The following CLIC4 variants were observed in gnomAD, a reference collection of about 807,000 sequenced individuals.
CLIC4 encodes CLIC family member 4.
CLIC4 carries 13 observed loss-of-function variants against 24.6 expected under a neutral mutation model. The observed-to-expected ratio is 0.53, with a 90% CI of 0.34 to 0.84. CLIC4 has a LOEUF of 0.84. Ranked by LOEUF, CLIC4 falls within the 40% of genes least tolerant of loss-of-function variation. The pLI is 0.01. For missense variants in CLIC4, 227 were observed against 301.7 expected (o/e 0.75, Z 1.83); for synonymous variants, 104 against 111.3 (o/e 0.93, Z 0.41).
intron 1 of CLIC4, among the ~76,000 whole-genome samples, chr1:24,750,436 C>T (rs938518798): frequency 3.9e-4 from 53 of 137,506 alleles, no homozygotes; most frequent in Non-Finnish European, 7.3e-4. Context: ...TTCTTTCTTT[C>T]TTTTTTTTTT....
intron 2 of CLIC4, among the ~76,000 whole-genome samples, chr1:24,802,213 C>T (rs1388921351): frequency 6.6e-6 from 1 of 152,150 alleles, no homozygotes; most frequent in Non-Finnish European, 1.5e-5. Flanking sequence ...GAATCTGGGT[C>T]AGAAAAGGAA....
At chr1:24,820,491 T>C (rs1311610151) in intron 3 of CLIC4, among the ~76,000 whole-genome samples, 1 of 150,290 alleles carries the variant, frequency 6.7e-6, no homozygotes, top group Non-Finnish European at 1.5e-5. Context: ...CTCAAACTCA[T>C]GGACACAATC....
chr1:24,746,085 C>T (rs892868030), intron 1 of CLIC4, among the ~76,000 whole-genome samples: 28 of 152,128 alleles, frequency 1.8e-4, no homozygotes, highest in Non-Finnish European at 3.1e-4. Flanking sequence ...AAACGAACTT[C>T]TTTGAACGCG....
intron 1 of CLIC4, among the ~76,000 whole-genome samples, chr1:24,754,853 C>T (rs755898210): frequency 6.6e-6 from 1 of 151,924 alleles, no homozygotes; most frequent in Non-Finnish European, 1.5e-5. Context: ...GGGTGGATCG[C>T]CTGAGGTCAG....
At chr1:24,778,792 G>A (rs940580572) in intron 1 of CLIC4, among the ~76,000 whole-genome samples, 1 of 152,198 alleles carries the variant, frequency 6.6e-6, no homozygotes, top group African/African-American at 2.4e-5. Flanking sequence ...TAGATGGAAA[G>A]TCTGGTCATT....
At chr1:24,836,755 AT>A (rs1639889557) in intron 4 of CLIC4, among the ~76,000 whole-genome samples, 1 of 152,164 alleles carries the variant, frequency 6.6e-6, no homozygotes, top group African/African-American at 2.4e-5. Context: ...GGAGGATCGC[AT>A]GAGCCCAGGA....
intron 3 of CLIC4, among the ~76,000 whole-genome samples, chr1:24,816,155 T>C (rs1222276678): frequency 1.3e-5 from 2 of 151,736 alleles, no homozygotes; most frequent in Non-Finnish European, 2.9e-5. Context: ...ATGTCGTCCA[T>C]GAGGGTTAGA....
chr1:24,837,110 T>C (rs1639893483), intron 4 of CLIC4, among the ~76,000 whole-genome samples: 1 of 151,970 alleles, frequency 6.6e-6, no homozygotes, highest in South Asian at 2.1e-4. Context: ...AAACATGACA[T>C]TGAACAAGGA....
At chr1:24,815,334 C>T (rs1639656956) in intron 3 of CLIC4, among the ~76,000 whole-genome samples, 1 of 151,970 alleles carries the variant, frequency 6.6e-6, no homozygotes, top group Admixed American at 6.6e-5. Flanking sequence ...CCCGTCTCTA[C>T]TAAAAAATAC....
At chr1:24,779,249 C>T (rs1444374935) in intron 1 of CLIC4, among the ~76,000 whole-genome samples, 2 of 152,126 alleles carry the variant, frequency 1.3e-5, no homozygotes, top group South Asian at 2.1e-4. Context: ...GTGGGCAGAT[C>T]GCTTGAGCCC....
chr1:24,764,902 C>CT (rs1386687469), intron 1 of CLIC4, among the ~76,000 whole-genome samples: 1 of 152,080 alleles, frequency 6.6e-6, no homozygotes. Context: ...TTTAAAAAAT[C>CT]TTTCATTAAA....
intron 1 of CLIC4, among the ~76,000 whole-genome samples, chr1:24,761,499 G>T (rs1042068553): frequency 6.6e-6 from 1 of 152,120 alleles, no homozygotes; most frequent in African/African-American, 2.4e-5. Flanking sequence ...ATCAGTTAAG[G>T]GTGTGACTGG....
intron 3 of CLIC4, 89 bp downstream of exon 3, chr1:24,814,308 A>G: frequency 7.2e-7 from 1 of 1,387,130 alleles, no homozygotes; most frequent in Non-Finnish European, 1.0e-6. Flanking sequence ...CGCAGCATTA[A>G]TTTGGAATGA....
rs1000819568 is a variant in CLIC4 at position 24,814,132 on chromosome 1, A to T, written c.221A>T (p.His74Leu). 6.2e-7 allele frequency: 1 copy of T among 1,614,078 alleles called. No individual in the cohort carries two copies. Among genetic ancestry groups the T allele is most frequent in the African/African-American group, 1.3e-5 (1 of 75,042 alleles). The change falls in exon 3 of 6, where the codon CAC becomes CTC. Residue 74 changes from histidine (H) to leucine (L), a missense_variant. Physicochemically the swap from His to Leu is moderately conservative, Grantham distance 99 (BLOSUM62 -3). Coordinates refer to ENST00000374379, the MANE Select transcript of CLIC4 (RefSeq NM_013943.3). ...CTGCAGAACTTGGCTCCCGGGACCCACCCACCATTTATAACTTTCAACAGT... is the reference window on the plus strand; with the variant it reads ...CTGCAGAACTTGGCTCCCGGGACCCTCCCACCATTTATAACTTTCAACAGT... ...ADLQNLAPGT[H>L]PPFITFNSEV...
At chr1:24,766,088 C>T (rs1409925206) in intron 1 of CLIC4, among the ~76,000 whole-genome samples, 1 of 152,094 alleles carries the variant, frequency 6.6e-6, no homozygotes, top group East Asian at 1.9e-4. Context: ...ACTGCAGCAG[C>T]CTCCACCTCC....
intron 1 of CLIC4, among the ~76,000 whole-genome samples, chr1:24,758,141 A>G (rs962263792): frequency 6.6e-6 from 1 of 152,046 alleles, no homozygotes; most frequent in Admixed American, 6.6e-5. Flanking sequence ...TTTCTAGTAT[A>G]TTCATTGTGT....
intron 2 of CLIC4, among the ~76,000 whole-genome samples, chr1:24,798,784 T>G (rs1639436108): frequency 6.8e-6 from 1 of 147,352 alleles, no homozygotes; most frequent in African/African-American, 2.5e-5. Flanking sequence ...GCCTGCCGAG[T>G]GCCTGCGATT....
intron 3 of CLIC4, among the ~76,000 whole-genome samples, chr1:24,823,054 G>T (rs890022119): frequency 3.9e-5 from 6 of 152,172 alleles, no homozygotes; most frequent in Non-Finnish European, 8.8e-5. Flanking sequence ...GTGCAAGCTT[G>T]TAGACTGGAA....
At chr1:24,757,187 G>A (rs1351689565) in intron 1 of CLIC4, among the ~76,000 whole-genome samples, 5 of 151,874 alleles carry the variant, frequency 3.3e-5, no homozygotes, top group African/African-American at 7.2e-5. Context: ...GAGCCACCAC[G>A]CCTGGCCTAG....
Sources: allele counts gnomAD v4.1 joint callset (sites outside exome capture counted in the v4.1 genomes callset), GRCh38; gene constraint gnomAD v4.1.1; transcripts MANE v1.5; gene names NCBI Gene and HGNC (gene_info 2026-07-23, HGNC 2026-07-21).